The following OR7C1 variants were observed in gnomAD, a reference collection of about 807,000 sequenced individuals.
OR7C1 encodes olfactory receptor family 7 subfamily C member 1, also known as olfactory receptor 7C1.
For synonymous variants in OR7C1, 152 were observed against 160.7 expected (o/e 0.95, Z 0.41); for missense variants, 324 against 383.3 (o/e 0.85, Z 1.29).
At chr19:14,812,523 T>C (rs1400403894) in intron 1 of OR7C1, among the ~76,000 whole-genome samples, 1 of 152,172 alleles carries the variant, frequency 6.6e-6, no homozygotes, top group Admixed American at 6.5e-5. Context: ...ACGTACCCCC[T>C]GCTTGCTCAA....
intron 2 of OR7C1, among the ~76,000 whole-genome samples, chr19:14,803,817 C>T (rs973041401): frequency 4.0e-5 from 6 of 151,806 alleles, no homozygotes; most frequent in Non-Finnish European, 8.8e-5. Flanking sequence ...TCAAGTGATT[C>T]TCCTGCCTCA....
At chr19:14,809,529 CAG>C (rs1431472501) in intron 2 of OR7C1, among the ~76,000 whole-genome samples, 1 of 150,616 alleles carries the variant, frequency 6.6e-6, no homozygotes. Flanking sequence ...CAAGAAGAAA[CAG>C]AGATTGGAAG....
intron 2 of OR7C1, among the ~76,000 whole-genome samples, chr19:14,806,991 G>A (rs1217902221): frequency 1.3e-5 from 2 of 152,004 alleles, no homozygotes; most frequent in South Asian, 2.1e-4. Flanking sequence ...ACTAATATAG[G>A]TTACCACCAA....
intron 1 of OR7C1, among the ~76,000 whole-genome samples, chr19:14,834,466 A>G (rs182819708): frequency 9.1e-4 from 139 of 152,332 alleles, no homozygotes; most frequent in African/African-American, 3.2e-3. Flanking sequence ...ACACACAAAT[A>G]TATTCAGCCA....
At chr19:14,800,498 A>AT (rs1397236141) in intron 3 of OR7C1, 35 bp downstream of exon 3, 3 of 201,478 alleles carry the variant, frequency 1.5e-5, no homozygotes, top group African/African-American at 7.0e-5. Flanking sequence ...TCACATGCAT[A>AT]TTAGTGATAT....
chr19:14,820,795 C>T (rs2044737496), intron 1 of OR7C1, among the ~76,000 whole-genome samples: 1 of 152,134 alleles, frequency 6.6e-6, no homozygotes, highest in Admixed American at 6.5e-5. Context: ...AAAGTATGGT[C>T]TGGGGAGGTC....
In OR7C1 at chr19:14,834,290, C is replaced by T. The variant is rs1249346909; in HGVS notation, c.-623+784G>A. ...GTGAGGCTCTGTCTCAAAGAAAAAA[C>T]AAACAAACAACAAAACTCCAAAAAC... On this transcript the variant is annotated intron_variant, in intron 1 of 4. Coordinates refer to ENST00000641666, the Ensembl canonical transcript of OR7C1. 3.3e-5 allele frequency among the ~76,000 whole-genome samples: 5 copies of T among 152,206 alleles called. No homozygotes were observed. The South Asian group carries it at 8.3e-4, about 25-fold the overall frequency.
intron 2 of OR7C1, among the ~76,000 whole-genome samples, chr19:14,804,537 G>A (rs879840695): frequency 3.9e-5 from 6 of 152,002 alleles, no homozygotes; most frequent in African/African-American, 1.5e-4. Context: ...AGAAAGTATA[G>A]CAAAGGAAAG....
exon 3 of OR7C1, chr19:14,800,565 G>T (rs1345196332): frequency 6.5e-6 from 1 of 154,684 alleles, no homozygotes; most frequent in Non-Finnish European, 1.4e-5. Context: ...TCCTCAGTGA[G>T]GCTTTTCTTT....
chr19:14,831,975 C>CAT (rs1342778703), intron 1 of OR7C1, among the ~76,000 whole-genome samples: 1 of 152,154 alleles, frequency 6.6e-6, no homozygotes, highest in South Asian at 2.1e-4. Flanking sequence ...GTGGTGCAAT[C>CAT]ATAGCTCACT....
At chr19:14,816,723 TA>T (rs1459019865) in intron 1 of OR7C1, among the ~76,000 whole-genome samples, 1 of 152,230 alleles carries the variant, frequency 6.6e-6, no homozygotes, top group East Asian at 1.9e-4. Flanking sequence ...TACTCCTTAA[TA>T]AACTCCACTT....
At chr19:14,823,452 A>C (rs535718330) in intron 1 of OR7C1, among the ~76,000 whole-genome samples, 3 of 152,196 alleles carry the variant, frequency 2.0e-5, no homozygotes, top group Non-Finnish European at 2.9e-5. Context: ...ACTCCGTCTA[A>C]AAAAATAAAA....
chr19:14,829,284 A>T (rs952737518), intron 1 of OR7C1, among the ~76,000 whole-genome samples: 2 of 151,928 alleles, frequency 1.3e-5, no homozygotes, highest in African/African-American at 4.8e-5. Flanking sequence ...GATCACTGCA[A>T]CCTCCACCTC....
At chr19:14,823,226 TCAGA>T (rs2044749429) in intron 1 of OR7C1, among the ~76,000 whole-genome samples, 1 of 151,954 alleles carries the variant, frequency 6.6e-6, no homozygotes, top group African/African-American at 2.4e-5. Context: ...GCTGAGACGG[TCAGA>T]TCACTTGAGG....
At chr19:14,805,406 A>AT (rs33957500) in intron 2 of OR7C1, among the ~76,000 whole-genome samples, 15,837 of 98,054 alleles carry the variant, frequency 0.16, 2,357 homozygotes, top group Non-Finnish European at 0.22. Context: ...CAGGAAAATA[A>AT]TTTTTTTTTT....
chr19:14,831,845 G>A (rs915840730), intron 1 of OR7C1, among the ~76,000 whole-genome samples: 3 of 151,972 alleles, frequency 2.0e-5, no homozygotes, highest in African/African-American at 7.3e-5. Context: ...GAAAATGCCT[G>A]CCCAGACCAT....
chr19:14,812,033 G>A (rs2044693270), intron 1 of OR7C1, among the ~76,000 whole-genome samples: 1 of 150,880 alleles, frequency 6.6e-6, no homozygotes, highest in Non-Finnish European at 1.5e-5. Context: ...GGTGTGTGTT[G>A]TTCAGTCTTT....
intron 1 of OR7C1, among the ~76,000 whole-genome samples, chr19:14,814,063 A>G (rs8100775): frequency 0.4 from 60,028 of 151,826 alleles, 13,508 homozygotes; most frequent in African/African-American, 0.62. Context: ...ACCTGAAACT[A>G]TAGAGCTACT....
intron 1 of OR7C1, chr19:14,828,122 G>C: frequency 6.2e-7 from 1 of 1,614,128 alleles, no homozygotes; most frequent in Non-Finnish European, 8.5e-7. Flanking sequence ...GCAGGTTCCC[G>C]AGCACAGTGA....
Sources: allele counts gnomAD v4.1 joint callset (sites outside exome capture counted in the v4.1 genomes callset), GRCh38; gene constraint gnomAD v4.1.1; transcripts MANE v1.5; gene names NCBI Gene and HGNC (gene_info 2026-07-23, HGNC 2026-07-21).